Variants in CFAP299 observed in about 807,000 individuals in gnomAD.
CFAP299 encodes the protein cilia- and flagella-associated protein 299.
In CFAP299, 21 loss-of-function variants were observed where a neutral mutation model predicts 27.0. That is an observed-to-expected ratio of 0.78 (90% confidence interval 0.55 to 1.12). The LOEUF is 1.12. Among genes scored for constraint, CFAP299 ranks in the 50% most tolerant of loss-of-function variants. The pLI is 0.00. For missense variants in CFAP299, 310 were observed against 276.6 expected (o/e 1.12, Z -0.86); for synonymous variants, 104 against 98.1 (o/e 1.06, Z -0.36).
At chr4:80,617,067 A>C (rs1205147734) in intron 3 of CFAP299, among the ~76,000 whole-genome samples, 1 of 152,170 alleles carries the variant, frequency 6.6e-6, no homozygotes, top group Non-Finnish European at 1.5e-5. Flanking sequence ...TTTTAAAGAT[A>C]TATGAATGAG....
intron 2 of CFAP299, among the ~76,000 whole-genome samples, chr4:80,400,598 T>A (rs1726100789): frequency 6.6e-6 from 1 of 152,204 alleles, no homozygotes; most frequent in African/African-American, 2.4e-5. Flanking sequence ...CCATCATGAT[T>A]CTGAGGCCTC....
At position 80,540,253 on chromosome 4, in the gene CFAP299, G is replaced by T. The variant is rs191106647; in HGVS notation, c.243-42840G>T. On this transcript the variant is annotated intron_variant, in intron 2 of 5. Coordinates refer to ENST00000358105, the MANE Select transcript of CFAP299 (RefSeq NM_152770.3). ...CATTGAGGTATGCAGTGAATTTCTG[G>T]AGTCTAATTTTTCCTGAATTTCATT... Among the ~76,000 whole-genome samples the T allele has an allele frequency of 8.7e-4, 132 of 152,260 alleles. 1 individual carries two copies. The highest frequency in any genetic ancestry group is 4.2e-3 in the Admixed American group (64 of 15,292).
intron 3 of CFAP299, among the ~76,000 whole-genome samples, chr4:80,779,105 A>AT (rs1257272597): frequency 1.3e-5 from 2 of 152,120 alleles, no homozygotes; most frequent in Non-Finnish European, 2.9e-5. Context: ...CATTTTATAG[A>AT]TAAAAACACC....
intron 2 of CFAP299, among the ~76,000 whole-genome samples, chr4:80,404,153 T>C (rs1054863831): frequency 1.3e-5 from 2 of 152,042 alleles, no homozygotes; most frequent in Admixed American, 6.6e-5. Context: ...CTTAGGAAAA[T>C]TGCTCCTAAG....
intron 4 of CFAP299, among the ~76,000 whole-genome samples, chr4:80,914,783 C>T (rs1735664077): frequency 6.6e-6 from 1 of 152,052 alleles, no homozygotes; most frequent in Non-Finnish European, 1.5e-5. Context: ...TCATAATATT[C>T]CCTTATTATG....
intron 3 of CFAP299, among the ~76,000 whole-genome samples, chr4:80,800,551 AATATAT>A (rs1728479473): frequency 1.0e-4 from 3 of 30,060 alleles, no homozygotes. Context: ...ATAATATATC[AATATAT>A]TATATAATAT....
At chr4:80,459,468 C>A (rs1281176366) in intron 2 of CFAP299, among the ~76,000 whole-genome samples, 1 of 152,212 alleles carries the variant, frequency 6.6e-6, no homozygotes, top group Non-Finnish European at 1.5e-5. Context: ...CCCACTTGTT[C>A]TCTTCCAAGT....
intron 2 of CFAP299, among the ~76,000 whole-genome samples, chr4:80,532,614 A>C (rs138865849): frequency 0.012 from 1,756 of 152,340 alleles, 23 homozygotes; most frequent in Admixed American, 0.038. Flanking sequence ...TTAATTAGTG[A>C]GGAGTAAATG....
intron 3 of CFAP299, among the ~76,000 whole-genome samples, chr4:80,627,735 T>C (rs1406184819): frequency 6.6e-6 from 1 of 151,808 alleles, no homozygotes; most frequent in Non-Finnish European, 1.5e-5. Flanking sequence ...AACCATACCA[T>C]TTACAATACT....
Position 80,335,828 on chromosome 4 carries a change from TGAA to T in CFAP299, c.63_65del (p.Glu21del). On this transcript the variant is annotated inframe_deletion, in exon 1 of 6. Coordinates refer to ENST00000358105, the MANE Select transcript of CFAP299 (RefSeq NM_152770.3). ...ATATTGTCACTCAATTCAACGCCTATGAAGATTTCCTGGACTCGCAGATCACTA... is the reference window on the plus strand; with the variant it reads ...ATATTGTCACTCAATTCAACGCCTATGATTTCCTGGACTCGCAGATCACTA... 4.3e-6 allele frequency: 7 copies of T among 1,613,962 alleles called. No individual in the cohort carries two copies. The highest frequency in any genetic ancestry group is 5.9e-6 in the Non-Finnish European group (7 of 1,179,796).
At chr4:80,440,820 T>A (rs1290394096) in intron 2 of CFAP299, among the ~76,000 whole-genome samples, 2 of 152,214 alleles carry the variant, frequency 1.3e-5, no homozygotes, top group Non-Finnish European at 2.9e-5. Flanking sequence ...GATAAAGGGT[T>A]ACAGGAATGG....
intron 4 of CFAP299, chr4:80,870,946 G>C: frequency 1.1e-6 from 1 of 925,314 alleles, no homozygotes. Flanking sequence ...TCGCTCTGTC[G>C]CCCAGGCTGG....
At chr4:80,956,894 A>G (rs1239429614) in intron 5 of CFAP299, among the ~76,000 whole-genome samples, 2 of 152,144 alleles carry the variant, frequency 1.3e-5, no homozygotes, top group Non-Finnish European at 2.9e-5. Context: ...CAAAATTTAT[A>G]TTCTTTTAAA....
intron 3 of CFAP299, among the ~76,000 whole-genome samples, chr4:80,796,882 T>G (rs1458488507): frequency 2.0e-5 from 3 of 152,196 alleles, no homozygotes; most frequent in Non-Finnish European, 4.4e-5. Context: ...ACCCTACCAG[T>G]TAGGGAACCA....
At chr4:80,701,633 T>G (rs1369877795) in intron 3 of CFAP299, among the ~76,000 whole-genome samples, 2 of 151,942 alleles carry the variant, frequency 1.3e-5, no homozygotes, top group Non-Finnish European at 2.9e-5. Flanking sequence ...TTGAGTGTGG[T>G]TAATGGTGTA....
At chr4:80,741,583 C>G (rs1267059085) in intron 3 of CFAP299, among the ~76,000 whole-genome samples, 1 of 152,118 alleles carries the variant, frequency 6.6e-6, no homozygotes, top group Non-Finnish European at 1.5e-5. Context: ...CCTCTTTACT[C>G]TTTGCTCTCC....
intron 2 of CFAP299, among the ~76,000 whole-genome samples, chr4:80,416,532 A>G (rs1260175647): frequency 1.3e-5 from 2 of 152,210 alleles, no homozygotes; most frequent in African/African-American, 2.4e-5. Context: ...TCTGCCCATC[A>G]GAAATAAAAG....
rs149322265 is a variant in CFAP299, at chr4:80,369,867, G to C, written c.242+6983G>C. Among the ~76,000 whole-genome samples, 533 of 152,270 alleles carry C rather than the reference G, an allele frequency of 3.5e-3. 2 individuals are homozygous for C. Among genetic ancestry groups the C allele is most frequent in the Non-Finnish European group, 6.1e-3 (415 of 68,024 alleles). Reference sequence around the variant, plus strand: ...CCAGCACTTTTAGCTGACAGCTTCTGGATAGTGCATGCATAATATGACCAG... The same window carrying C: ...CCAGCACTTTTAGCTGACAGCTTCTCGATAGTGCATGCATAATATGACCAG... On this transcript the variant is annotated intron_variant, in intron 2 of 5. Coordinates refer to ENST00000358105, the MANE Select transcript of CFAP299 (RefSeq NM_152770.3).
At chr4:80,411,730 A>C (rs1046327795) in intron 2 of CFAP299, among the ~76,000 whole-genome samples, 2 of 152,130 alleles carry the variant, frequency 1.3e-5, no homozygotes, top group African/African-American at 2.4e-5. Flanking sequence ...ATAGGTGTCA[A>C]GAGCCCTTGA....
Sources: allele counts gnomAD v4.1 joint callset (sites outside exome capture counted in the v4.1 genomes callset), GRCh38; gene constraint gnomAD v4.1.1; transcripts MANE v1.5; gene names NCBI Gene and HGNC (gene_info 2026-07-23, HGNC 2026-07-21).